Variants in RABGAP1L observed in about 807,000 individuals in gnomAD.
RABGAP1L encodes the protein rab GTPase-activating protein 1-like.
In RABGAP1L, 63 loss-of-function variants were observed where a neutral mutation model predicts 137.7. The observed-to-expected ratio is 0.46, with a 90% CI of 0.37 to 0.56. The LOEUF (loss-of-function observed/expected upper bound fraction) is 0.56. Ranked by LOEUF, RABGAP1L falls within the 20% of genes least tolerant of loss-of-function variation. The pLI, the probability that RABGAP1L is intolerant of heterozygous loss-of-function variation, is 0.00. For missense variants in RABGAP1L, 1,095 were observed against 1,244.0 expected, an observed-to-expected ratio of 0.88 and a Z score of 1.80; for synonymous variants, 431 against 433.7, an observed-to-expected ratio of 0.99 and a Z score of 0.08.
intron 4 of RABGAP1L, 79 bp downstream of exon 4, chr1:174,231,434 G>A: frequency 7.6e-7 from 1 of 1,312,278 alleles, no homozygotes; most frequent in Non-Finnish European, 1.1e-6. Context: ...ATCATCAGGT[G>A]TAGAACTTAC....
At chr1:174,266,376 T>A (rs1193199823) in intron 7 of RABGAP1L, among the ~76,000 whole-genome samples, 3 of 152,172 alleles carry the variant, frequency 2.0e-5, no homozygotes, top group Non-Finnish European at 4.4e-5. Flanking sequence ...CAGAAGTAAG[T>A]AACCTGCAAA....
chr1:174,185,569 C>T (rs937736229), intron 1 of RABGAP1L, among the ~76,000 whole-genome samples: 1 of 152,140 alleles, frequency 6.6e-6, no homozygotes, highest in African/African-American at 2.4e-5. Flanking sequence ...TGCAATTCTA[C>T]TTCTCCCTAT....
chr1:174,672,281 C>CTTTTTTTTTTT (rs1256381168), intron 14 of RABGAP1L, among the ~76,000 whole-genome samples: 1 of 118,386 alleles, frequency 8.4e-6, no homozygotes, highest in South Asian at 2.7e-4. Flanking sequence ...TTTTTCCTTT[C>CTTTTTTTTTTT]TTTTTTTTTT....
At chr1:174,683,703 A>G in intron 15 of RABGAP1L, 107 bp downstream of exon 15, 1 of 775,186 alleles carries the variant, frequency 1.3e-6, no homozygotes, top group Non-Finnish European at 2.1e-6. Flanking sequence ...TGGAGATTAC[A>G]TATGGCATAT....
At chr1:174,411,553 G>C (rs1019586409) in intron 13 of RABGAP1L, among the ~76,000 whole-genome samples, 2 of 151,564 alleles carry the variant, frequency 1.3e-5, no homozygotes, top group Non-Finnish European at 3.0e-5. Flanking sequence ...TTAAATTTTT[G>C]ATACACTGTT....
chr1:174,463,322 C>G (rs1656917196), intron 13 of RABGAP1L, among the ~76,000 whole-genome samples: 1 of 149,846 alleles, frequency 6.7e-6, no homozygotes, highest in South Asian at 2.2e-4. Context: ...CCATGGAATA[C>G]TATGCAGCCA....
chr1:174,176,741 A>AAAAAAAAAAAAAAAAAAAAAAAAAAAT (rs755688394), intron 1 of RABGAP1L, among the ~76,000 whole-genome samples: 1 of 111,778 alleles, frequency 8.9e-6, no homozygotes, highest in African/African-American at 3.6e-5. Context: ...AAAAAAAAAA[A>AAAAAAAAAAAAAAAAAAAAAAAAAAAT]AAAAAGGTCA....
At chr1:174,655,851 A>G (rs1363823457) in intron 14 of RABGAP1L, among the ~76,000 whole-genome samples, 4 of 152,248 alleles carry the variant, frequency 2.6e-5, no homozygotes, top group South Asian at 2.1e-4. Flanking sequence ...AATATATTCC[A>G]TCATCCTTTG....
intron 10 of RABGAP1L, among the ~76,000 whole-genome samples, chr1:174,303,923 A>G (rs1677958717): frequency 6.6e-6 from 1 of 152,150 alleles, no homozygotes; most frequent in African/African-American, 2.4e-5. Context: ...TCTTGCCGTA[A>G]TGCACTGGAC....
At chr1:174,280,664 T>G (rs1012740169) in intron 10 of RABGAP1L, among the ~76,000 whole-genome samples, 1 of 152,228 alleles carries the variant, frequency 6.6e-6, no homozygotes, top group Non-Finnish European at 1.5e-5. Context: ...GCATTTCATT[T>G]CATTCATTGT....
intron 1 of RABGAP1L, among the ~76,000 whole-genome samples, chr1:174,171,356 A>T (rs923798717): frequency 3.3e-5 from 5 of 152,196 alleles, no homozygotes; most frequent in Admixed American, 2.0e-4. Flanking sequence ...TGCTATACAT[A>T]TACAAAACAT....
At chr1:174,554,754 G>A (rs987587992) in intron 13 of RABGAP1L, among the ~76,000 whole-genome samples, 14 of 152,098 alleles carry the variant, frequency 9.2e-5, no homozygotes, top group African/African-American at 3.1e-4. Context: ...TTTGTGGGGG[G>A]TGAGTCTTAT....
chr1:174,681,927 A>G (rs1301014665), intron 14 of RABGAP1L, among the ~76,000 whole-genome samples: 3 of 152,228 alleles, frequency 2.0e-5, no homozygotes, highest in Non-Finnish European at 4.4e-5. Context: ...CATAGATGGA[A>G]TACATGGGAT....
intron 13 of RABGAP1L, among the ~76,000 whole-genome samples, chr1:174,428,187 T>C (rs1652181852): frequency 6.6e-6 from 1 of 152,208 alleles, no homozygotes; most frequent in Non-Finnish European, 1.5e-5. Flanking sequence ...ACAGAAATGC[T>C]GAGTCAACAG....
At chr1:174,679,728 A>G (rs1000985474) in intron 14 of RABGAP1L, among the ~76,000 whole-genome samples, 2 of 152,146 alleles carry the variant, frequency 1.3e-5, no homozygotes, top group Non-Finnish European at 2.9e-5. Flanking sequence ...TGACTGTTAG[A>G]CTCTATATTG....
chr1:174,422,854 C>T (rs576365948), intron 13 of RABGAP1L, among the ~76,000 whole-genome samples: 4 of 146,800 alleles, frequency 2.7e-5, no homozygotes, highest in South Asian at 2.1e-4. Context: ...AGCTGAGGCA[C>T]GAGAATCGCT....
chr1:174,385,053 C>T (rs1009400784), intron 12 of RABGAP1L, among the ~76,000 whole-genome samples: 17 of 152,074 alleles, frequency 1.1e-4, no homozygotes, highest in Non-Finnish European at 1.6e-4. Flanking sequence ...TTGATTTAGC[C>T]ATTTTAAAAA....
At chr1:174,371,691 A>G (rs957428474) in intron 12 of RABGAP1L, among the ~76,000 whole-genome samples, 2 of 152,168 alleles carry the variant, frequency 1.3e-5, no homozygotes, top group African/African-American at 4.8e-5. Context: ...CCTGCCAACA[A>G]AATACTTCCC....
chr1:174,746,763 G>A (rs1402967462), intron 17 of RABGAP1L, among the ~76,000 whole-genome samples: 1 of 152,200 alleles, frequency 6.6e-6, no homozygotes, highest in Non-Finnish European at 1.5e-5. Context: ...ACTTAGGAAA[G>A]TTACTTTGAT....
Sources: allele counts gnomAD v4.1 joint callset (sites outside exome capture counted in the v4.1 genomes callset), GRCh38; gene constraint gnomAD v4.1.1; transcripts MANE v1.5; gene names NCBI Gene and HGNC (gene_info 2026-07-23, HGNC 2026-07-21).